Variants in GPR176 observed in about 807,000 individuals in gnomAD.
The protein encoded by GPR176 is G-protein coupled receptor 176.
GPR176 carries 26 observed loss-of-function variants against 35.4 expected under a neutral mutation model. That is an observed-to-expected ratio of 0.74 (90% CI 0.54 to 1.02). GPR176 has a LOEUF of 1.02. Ranked by LOEUF, GPR176 falls within the 50% of genes least tolerant of loss-of-function variation. The pLI is 0.00. For synonymous variants in GPR176, 278 were observed against 271.3 expected, an observed-to-expected ratio of 1.02 and a Z score of -0.24; for missense variants, 597 against 665.3, an observed-to-expected ratio of 0.90 and a Z score of 1.13.
intron 1 of GPR176, among the ~76,000 whole-genome samples, chr15:39,865,664 C>T (rs549785250): frequency 1.3e-4 from 20 of 152,088 alleles, no homozygotes; most frequent in Admixed American, 9.2e-4. Flanking sequence ...GTGATCTATG[C>T]GTGTAACAAA....
chr15:39,847,638 G>A (rs1361043510), intron 1 of GPR176, among the ~76,000 whole-genome samples: 2 of 150,794 alleles, frequency 1.3e-5, no homozygotes, highest in African/African-American at 4.9e-5. Context: ...AGCTACTTGG[G>A]AGGCTGAGGC....
At chr15:39,812,747 T>TA (rs1468057405) in intron 1 of GPR176, among the ~76,000 whole-genome samples, 5 of 38,310 alleles carry the variant, frequency 1.3e-4, no homozygotes, top group African/African-American at 2.2e-4. Context: ...TAAGCTTTAT[T>TA]TTTTTTTTTT....
At chr15:39,893,389 A>T (rs1051921635) in intron 1 of GPR176, among the ~76,000 whole-genome samples, 37 of 152,088 alleles carry the variant, frequency 2.4e-4, no homozygotes, top group African/African-American at 8.2e-4. Context: ...GAGTGGACAC[A>T]GCACATGTTT....
chr15:39,903,431 A>T (rs2033334955), intron 1 of GPR176, among the ~76,000 whole-genome samples: 1 of 152,200 alleles, frequency 6.6e-6, no homozygotes, highest in Non-Finnish European at 1.5e-5. Flanking sequence ...AAGTTTTATA[A>T]GCTCTCTTTA....
chr15:39,919,287 T>C (rs1301056932), intron 1 of GPR176, among the ~76,000 whole-genome samples: 2 of 151,960 alleles, frequency 1.3e-5, no homozygotes, highest in African/African-American at 4.8e-5. Flanking sequence ...TTTGGTTTTG[T>C]TTTTTTTAAA....
chr15:39,801,422 G>A lies in GPR176; in HGVS notation c.1258C>T (p.Pro420Ser). 6.2e-7 allele frequency: 1 copy of A among 1,614,160 alleles called. No individual in the cohort carries two copies. The highest frequency in any genetic ancestry group is 8.5e-7 in the Non-Finnish European group (1 of 1,180,014). Residue 420 changes from proline to serine, a missense_variant, in exon 3 of 3, where the codon CCC (proline) becomes TCC (serine). By Grantham distance (74) the Pro-to-Ser change is moderately conservative. Transcript: ENST00000561100. ...ACTGTGCTCAGGGGTGGGGCAGAGGGCGCAAACTGTGGCCCCTGCTCTCCC... is the reference window on the plus strand; with the variant it reads ...ACTGTGCTCAGGGGTGGGGCAGAGGACGCAAACTGTGGCCCCTGCTCTCCC... ...LEGEQGPQFA[P>S]SAPPLSTVDS...
chr15:39,872,242 T>C (rs557803604), intron 1 of GPR176, among the ~76,000 whole-genome samples: 12 of 152,250 alleles, frequency 7.9e-5, no homozygotes, highest in Non-Finnish European at 1.5e-4. Context: ...TCTGACATGG[T>C]GGGCCTTGAA....
chr15:39,897,265 G>A (rs2033140893), intron 1 of GPR176, among the ~76,000 whole-genome samples: 1 of 152,202 alleles, frequency 6.6e-6, no homozygotes, highest in Non-Finnish European at 1.5e-5. Context: ...CTCCATAAAA[G>A]TGACAGGAAT....
rs1256074126 is a variant in GPR176, at chr15:39,799,152, C to G, written c.*1980G>C. On this transcript the variant is annotated 3_prime_UTR_variant, in exon 3 of 3. Coordinates refer to ENST00000561100, the MANE Select transcript of GPR176 (RefSeq NM_007223.3). Reference sequence around the variant, plus strand: ...CATACCCAACCAGATTCTGCCTCATCAAAATTTATTAAGTTGTACATATAC... The same window carrying G: ...CATACCCAACCAGATTCTGCCTCATGAAAATTTATTAAGTTGTACATATAC... The G allele has an allele frequency of 1.4e-5, 2 of 147,374 alleles. No homozygotes were observed. Among genetic ancestry groups the G allele is most frequent in the Non-Finnish European group, 3.0e-5 (2 of 67,040 alleles). 9.1% of individuals were successfully genotyped at this position (147,374 alleles called of 1,614,324 possible). A position where few individuals can be genotyped will look rare whatever the true frequency, so the allele number is the denominator to read the frequency against.
At chr15:39,889,662 A>G (rs1238502695) in intron 1 of GPR176, among the ~76,000 whole-genome samples, 1 of 152,240 alleles carries the variant, frequency 6.6e-6, no homozygotes, top group Non-Finnish European at 1.5e-5. Context: ...ACTGTCCCAA[A>G]TATGAGAACG....
chr15:39,890,007 G>A (rs1396410179), intron 1 of GPR176, among the ~76,000 whole-genome samples: 1 of 152,092 alleles, frequency 6.6e-6, no homozygotes, highest in Non-Finnish European at 1.5e-5. Flanking sequence ...AGGTCACACT[G>A]GGAGTTTGAA....
chr15:39,813,028 C>T (rs1899674257), intron 1 of GPR176, among the ~76,000 whole-genome samples: 1 of 152,170 alleles, frequency 6.6e-6, no homozygotes, highest in African/African-American at 2.4e-5. Flanking sequence ...AGCCACCATG[C>T]CTGGGCCTCT....
At chr15:39,830,520 GGGCA>G in intron 1 of GPR176, among the ~76,000 whole-genome samples, 1 of 152,288 alleles carries the variant, frequency 6.6e-6, no homozygotes, top group East Asian at 1.9e-4. Context: ...GGAGCACCCT[GGGCA>G]TGCAGGCAAG....
At chr15:39,838,450 C>T (rs768984626) in intron 1 of GPR176, among the ~76,000 whole-genome samples, 4 of 152,042 alleles carry the variant, frequency 2.6e-5, no homozygotes, top group African/African-American at 9.7e-5. Flanking sequence ...AGAAAGAAAA[C>T]AGTTTTTCTT....
At chr15:39,873,646 T>C (rs574789281) in intron 1 of GPR176, among the ~76,000 whole-genome samples, 1 of 151,754 alleles carries the variant, frequency 6.6e-6, no homozygotes, top group African/African-American at 2.4e-5. Flanking sequence ...AGACTAGTTT[T>C]TCTTATTAAT....
intron 1 of GPR176, among the ~76,000 whole-genome samples, chr15:39,888,919 T>C (rs1305182941): frequency 6.6e-6 from 1 of 152,202 alleles, no homozygotes; most frequent in Non-Finnish European, 1.5e-5. Context: ...CCAGCAAGAC[T>C]CTTATCATCC....
At chr15:39,913,911 T>C (rs924908910) in intron 1 of GPR176, among the ~76,000 whole-genome samples, 1 of 152,122 alleles carries the variant, frequency 6.6e-6, no homozygotes, top group African/African-American at 2.4e-5. Context: ...CCGGGCATGG[T>C]GGTGGGTGCC....
intron 1 of GPR176, among the ~76,000 whole-genome samples, chr15:39,897,675 G>A (rs145919162): frequency 0.029 from 4,290 of 149,566 alleles, 101 homozygotes; most frequent in African/African-American, 0.063. Flanking sequence ...CTGCAGTGGC[G>A]CAATCTCGGC....
At chr15:39,897,521 T>C (rs1460828532) in intron 1 of GPR176, among the ~76,000 whole-genome samples, 2 of 152,086 alleles carry the variant, frequency 1.3e-5, no homozygotes, top group Non-Finnish European at 2.9e-5. Context: ...CCTTCTGCTA[T>C]CTGCAAGTGC....
Sources: gnomAD v4.1 joint callset for allele counts (sites outside exome capture counted in the v4.1 genomes callset) on GRCh38, gnomAD v4.1.1 for gene constraint, MANE v1.5 for transcripts, NCBI Gene and HGNC (gene_info 2026-07-23, HGNC 2026-07-21) for gene names.